Variants in CAMTA1 observed in about 807,000 individuals in gnomAD.
CAMTA1 encodes the protein calmodulin binding transcription activator 1.
A neutral mutation model predicts 170.9 loss-of-function variants in CAMTA1; 27 were observed. That is an observed-to-expected ratio of 0.16 (90% CI 0.12 to 0.22). The LOEUF is 0.22. Ranked by LOEUF, CAMTA1 falls within the 10% of genes least tolerant of loss-of-function variation. The pLI, the probability that CAMTA1 is intolerant of heterozygous loss-of-function variation, is 1.00. For missense variants in CAMTA1, 1,619 were observed against 2,217.2 expected, an observed-to-expected ratio of 0.73 and a Z score of 5.42; for synonymous variants, 833 against 891.5, an observed-to-expected ratio of 0.93 and a Z score of 1.17.
At position 7,431,532 on chromosome 1, in the gene CAMTA1, C is replaced by T. The variant is rs546222208; in HGVS notation, c.439-36298C>T. Among the ~76,000 whole-genome samples, 4 of 152,104 alleles carry T rather than the reference C, an allele frequency of 2.6e-5. No individual in the cohort carries two copies. The South Asian group carries it at 8.3e-4, about 32-fold the overall frequency. ...GTCCTGCCATAGACTCAGCTCCACA[C>T]TGGGCAGCCCCACTTGGCAGATCGA... On this transcript the variant is annotated intron_variant, in intron 5 of 22. Coordinates refer to ENST00000303635, the MANE Select transcript of CAMTA1 (RefSeq NM_015215.4).
intron 5 of CAMTA1, among the ~76,000 whole-genome samples, chr1:7,276,303 A>ATTTTTTTTTTTTTTTT (rs1180773965): frequency 7.0e-4 from 17 of 24,220 alleles, no homozygotes; most frequent in Admixed American, 1.3e-3. Context: ...ATATATATAT[A>ATTTTTTTTTTTTTTTT]TTTTTTTTTT....
chr1:7,149,641 C>G (rs1009414117), intron 4 of CAMTA1, among the ~76,000 whole-genome samples: 1 of 152,134 alleles, frequency 6.6e-6, no homozygotes, highest in African/African-American at 2.4e-5. Flanking sequence ...AGCTAGTCCC[C>G]GACACACACT....
intron 5 of CAMTA1, among the ~76,000 whole-genome samples, chr1:7,338,489 C>T (rs761434159): frequency 6.6e-6 from 1 of 152,310 alleles, no homozygotes; most frequent in Non-Finnish European, 1.5e-5. Context: ...CTCCTTGTGT[C>T]AATGCATCAT....
intron 5 of CAMTA1, among the ~76,000 whole-genome samples, chr1:7,290,924 G>C (rs932382256): frequency 8.5e-5 from 13 of 152,092 alleles, no homozygotes; most frequent in Non-Finnish European, 1.5e-4. Context: ...GGGCTCCTGG[G>C]GGGGTGAAGT....
At chr1:7,219,374 C>T (rs1023196456) in intron 4 of CAMTA1, 8 of 151,706 alleles carry the variant, frequency 5.3e-5, no homozygotes, top group Admixed American at 5.3e-4. Context: ...TTACCTGGCA[C>T]GGGAGATATA....
intron 6 of CAMTA1, among the ~76,000 whole-genome samples, chr1:7,589,320 C>T (rs532001864): frequency 1.3e-5 from 2 of 152,318 alleles, no homozygotes; most frequent in African/African-American, 4.8e-5. Context: ...CTACACACCC[C>T]GGCCGCTGTG....
At chr1:7,180,181 A>G (rs1402627264) in intron 4 of CAMTA1, among the ~76,000 whole-genome samples, 2 of 151,992 alleles carry the variant, frequency 1.3e-5, no homozygotes, top group South Asian at 2.1e-4. Context: ...AGCGTGGCCA[A>G]CGTGGTAAAA....
intron 4 of CAMTA1, among the ~76,000 whole-genome samples, chr1:7,097,008 G>T (rs908172233): frequency 6.6e-6 from 1 of 152,064 alleles, no homozygotes; most frequent in African/African-American, 2.4e-5. Flanking sequence ...TATCTTTCTT[G>T]TCCCCCACTT....
At chr1:6,791,356 T>A (rs1432028880) in intron 1 of CAMTA1, among the ~76,000 whole-genome samples, 1 of 152,140 alleles carries the variant, frequency 6.6e-6, no homozygotes, top group Non-Finnish European at 1.5e-5. Context: ...TAAGAATAGG[T>A]AGATGGAATG....
intron 4 of CAMTA1, among the ~76,000 whole-genome samples, chr1:7,149,122 G>A (rs1177973594): frequency 6.6e-6 from 1 of 152,208 alleles, no homozygotes; most frequent in African/African-American, 2.4e-5. Context: ...CTCTGGGGGT[G>A]GGTACAAGTC....
chr1:7,355,357 C>T lies in CAMTA1; in HGVS notation c.438+105731C>T, dbSNP rs549998261. Among the ~76,000 whole-genome samples, 507 of 152,246 alleles carry T rather than the reference C, an allele frequency of 3.3e-3. 2 individuals are homozygous for T. Among genetic ancestry groups the T allele is most frequent in the Non-Finnish European group, 5.6e-3 (384 of 68,012 alleles). On this transcript the variant is annotated intron_variant, in intron 5 of 22. Transcript: ENST00000303635. ...TTGTAATGGTGCCACTGCACTCCAG[C>T]CTGGGCAACAGAGCAAGACCCTGTC...
rs180964992 is a variant in CAMTA1, at chr1:7,714,669, G to A, written c.2915-17779G>A. ...CCCGAGTAGCTGGGACTCCAGGTGC[G>A]TGTCACCACACCTGGCTAATTTTTG... On this transcript the variant is annotated intron_variant, in intron 11 of 22. Coordinates refer to ENST00000303635, the MANE Select transcript of CAMTA1 (RefSeq NM_015215.4). Among the ~76,000 whole-genome samples, 336 of 152,140 alleles carry A rather than the reference G, an allele frequency of 2.2e-3. 1 individual carries two copies. The highest frequency in any genetic ancestry group is 5.8e-3 in the Admixed American group (89 of 15,282).
intron 3 of CAMTA1, among the ~76,000 whole-genome samples, chr1:7,072,747 C>A (rs999422829): frequency 4.6e-5 from 7 of 152,112 alleles, no homozygotes; most frequent in African/African-American, 1.2e-4. Flanking sequence ...GGGAGTGAAC[C>A]GAGTAGGATT....
chr1:6,987,891 TG>T (rs928956417), intron 3 of CAMTA1, among the ~76,000 whole-genome samples: 11 of 152,032 alleles, frequency 7.2e-5, no homozygotes, highest in African/African-American at 2.7e-4. Context: ...GGTCCCCAGG[TG>T]GGCATCATCC....
chr1:7,571,686 G>C (rs2095128128), intron 6 of CAMTA1, among the ~76,000 whole-genome samples: 1 of 152,104 alleles, frequency 6.6e-6, no homozygotes, highest in African/African-American at 2.4e-5. Context: ...TTTTATGGCT[G>C]CATAGTATTC....
chr1:6,935,179 T>C (rs753619634), intron 3 of CAMTA1, among the ~76,000 whole-genome samples: 1 of 152,194 alleles, frequency 6.6e-6, no homozygotes, highest in Non-Finnish European at 1.5e-5. Flanking sequence ...TATTCTGAAA[T>C]ACAACCCGAG....
chr1:7,438,616 T>G (rs904914802), intron 5 of CAMTA1, among the ~76,000 whole-genome samples: 15 of 152,212 alleles, frequency 9.9e-5, no homozygotes, highest in Non-Finnish European at 1.9e-4. Flanking sequence ...GGCTTCCAGT[T>G]TCCCTCCTTC....
At position 7,098,735 on chromosome 1, in the gene CAMTA1, C is replaced by T. The variant is rs144822852; in HGVS notation, c.302+7364C>T. Among the ~76,000 whole-genome samples the T allele has an allele frequency of 3.2e-4, 48 of 152,268 alleles. 1 individual carries two copies. The highest frequency in any genetic ancestry group is 1.1e-3 in the African/African-American group (46 of 41,558). On this transcript the variant is annotated intron_variant, in intron 4 of 22. Coordinates refer to ENST00000303635, the MANE Select transcript of CAMTA1 (RefSeq NM_015215.4). ...TCCCCTCCGTGTCTAGGAAGTTGGC[C>T]GTGGCGGGGGCACTGATGGCCTGGT...
intron 3 of CAMTA1, among the ~76,000 whole-genome samples, chr1:7,078,733 G>A (rs1639636286): frequency 6.6e-6 from 1 of 152,246 alleles, no homozygotes; most frequent in Non-Finnish European, 1.5e-5. Context: ...ATGATCGTCA[G>A]AGTAGGACTG....
Sources: allele counts gnomAD v4.1 joint callset (sites outside exome capture counted in the v4.1 genomes callset), GRCh38; gene constraint gnomAD v4.1.1; transcripts MANE v1.5; gene names NCBI Gene and HGNC (gene_info 2026-07-23, HGNC 2026-07-21).